ELAVL2: variants seen among roughly 807,000 people sequenced by gnomAD.
ELAVL2 encodes the protein ELAV-like protein 2.
ELAVL2 carries 4 observed loss-of-function variants against 34.6 expected under a neutral mutation model. That is an observed-to-expected ratio of 0.12 (90% confidence interval 0.06 to 0.26). The LOEUF (loss-of-function observed/expected upper bound fraction) is 0.26, where lower values mean the gene tolerates loss of function less well. Among genes scored for constraint, ELAVL2 ranks in the 10% least tolerant of loss-of-function variants. ELAVL2 has a pLI of 1.00. For synonymous variants in ELAVL2, 193 were observed against 154.8 expected, an observed-to-expected ratio of 1.25 and a Z score of -1.83; for missense variants, 432 against 442.8, an observed-to-expected ratio of 0.98 and a Z score of 0.22.
At chr9:23,719,989 C>A (rs1292673124) in intron 3 of ELAVL2, among the ~76,000 whole-genome samples, 4 of 151,800 alleles carry the variant, frequency 2.6e-5, no homozygotes, top group Admixed American at 2.0e-4. Context: ...CCAAACCCAG[C>A]TAATTTTTTG....
intron 3 of ELAVL2, among the ~76,000 whole-genome samples, chr9:23,713,562 C>T (rs563303961): frequency 3.0e-4 from 46 of 152,162 alleles, no homozygotes; most frequent in South Asian, 1.7e-3. Flanking sequence ...CTATTCCTAC[C>T]GGTAGCTCTC....
At chr9:23,836,047 A>C in the ELAVL2 span, among the ~76,000 whole-genome samples, 1 of 152,194 alleles carries the variant, frequency 6.6e-6, no homozygotes, top group African/African-American at 2.4e-5. Context: ...GCTGCTGTTT[A>C]TTGCCATTTC....
At chr9:23,696,636 A>AT (rs59260989) in intron 5 of ELAVL2, among the ~76,000 whole-genome samples, 14,595 of 151,490 alleles carry the variant, frequency 0.096, 773 homozygotes, top group African/African-American at 0.12. Flanking sequence ...CGTCCGGCTA[A>AT]TTTTTTTTGT....
At chr9:23,791,383 T>C (rs189516074) in intron 1 of ELAVL2, among the ~76,000 whole-genome samples, 2 of 152,290 alleles carry the variant, frequency 1.3e-5, no homozygotes, top group South Asian at 2.1e-4. Flanking sequence ...TTAAATACCC[T>C]TACCCCTGTT....
intron 2 of ELAVL2, among the ~76,000 whole-genome samples, chr9:23,739,520 T>C (rs1415747423): frequency 6.6e-6 from 1 of 152,092 alleles, no homozygotes. Flanking sequence ...TATAATTAAT[T>C]CTACACAGAT....
At chr9:23,696,835 C>T (rs1409687636) in intron 5 of ELAVL2, among the ~76,000 whole-genome samples, 1 of 151,516 alleles carries the variant, frequency 6.6e-6, no homozygotes, top group Non-Finnish European at 1.5e-5. Context: ...CTAGCTGCCT[C>T]CAGAATATCT....
intron 2 of ELAVL2, among the ~76,000 whole-genome samples, chr9:23,757,390 G>C (rs1244997486): frequency 6.6e-6 from 1 of 151,976 alleles, no homozygotes; most frequent in Non-Finnish European, 1.5e-5. Context: ...CAGAATTCTG[G>C]TCCCTACTCT....
intron 2 of ELAVL2, among the ~76,000 whole-genome samples, chr9:23,742,837 G>A (rs1342885139): frequency 1.3e-5 from 2 of 152,110 alleles, no homozygotes; most frequent in South Asian, 2.1e-4. Flanking sequence ...TTAATCAAGA[G>A]GGTAGGAGGA....
intron 1 of ELAVL2, among the ~76,000 whole-genome samples, chr9:23,824,698 C>T (rs983233770): frequency 1.3e-5 from 2 of 152,226 alleles, no homozygotes; most frequent in Non-Finnish European, 2.9e-5. Context: ...CCTGGATCCT[C>T]TCTTTGGCAG....
intron 1 of ELAVL2, among the ~76,000 whole-genome samples, chr9:23,777,204 G>C (rs1234184024): frequency 6.6e-6 from 1 of 152,232 alleles, no homozygotes; most frequent in South Asian, 2.1e-4. Context: ...CTTTCAGATC[G>C]AGCTAAAAAG....
chr9:23,707,567 T>C (rs2039726610), intron 3 of ELAVL2, among the ~76,000 whole-genome samples: 1 of 152,192 alleles, frequency 6.6e-6, no homozygotes, highest in Non-Finnish European at 1.5e-5. Context: ...TGACAGGCTC[T>C]GCATGAGATC....
intron 1 of ELAVL2, among the ~76,000 whole-genome samples, chr9:23,797,396 A>T (rs2061062143): frequency 6.6e-6 from 1 of 152,310 alleles, no homozygotes; most frequent in East Asian, 1.9e-4. Context: ...ACACAAACTA[A>T]ATGAAGAAAT....
At chr9:23,726,585 T>C (rs772764045) in intron 3 of ELAVL2, among the ~76,000 whole-genome samples, 5 of 151,910 alleles carry the variant, frequency 3.3e-5, no homozygotes, top group African/African-American at 4.8e-5. Context: ...CTAGGCCCAT[T>C]GTAGAGGAGG....
chr9:23,789,553 T>C (rs2060097395), intron 1 of ELAVL2, among the ~76,000 whole-genome samples: 1 of 152,226 alleles, frequency 6.6e-6, no homozygotes, highest in African/African-American at 2.4e-5. Flanking sequence ...TGCTGAATGA[T>C]AAAGCTTGGT....
chr9:23,774,412 T>C (rs369286358), intron 1 of ELAVL2, among the ~76,000 whole-genome samples: 2 of 152,018 alleles, frequency 1.3e-5, no homozygotes, highest in East Asian at 3.9e-4. Context: ...TTCCTAATCA[T>C]GACTGTTAAT....
At chr9:23,708,357 T>C (rs1365167560) in intron 3 of ELAVL2, among the ~76,000 whole-genome samples, 2 of 152,216 alleles carry the variant, frequency 1.3e-5, no homozygotes, top group Non-Finnish European at 2.9e-5. Context: ...GCATACATAT[T>C]AGTATTTTAT....
chr9:23,822,104 A>C (rs1487777649), intron 1 of ELAVL2, among the ~76,000 whole-genome samples: 1 of 152,018 alleles, frequency 6.6e-6, no homozygotes, highest in Non-Finnish European at 1.5e-5. Flanking sequence ...TTCCAGGTGC[A>C]AGTTTGCAAA....
At chr9:23,715,703 C>A (rs942162020) in intron 3 of ELAVL2, among the ~76,000 whole-genome samples, 1 of 152,090 alleles carries the variant, frequency 6.6e-6, no homozygotes, top group African/African-American at 2.4e-5. Context: ...AACTTTATCT[C>A]CAAAAATGTA....
At chr9:23,841,007 C>A in the ELAVL2 span, among the ~76,000 whole-genome samples, 1 of 152,168 alleles carries the variant, frequency 6.6e-6, no homozygotes, top group Non-Finnish European at 1.5e-5. Context: ...GAAACACGTG[C>A]ATTTTCCCTG....
Sources: allele counts gnomAD v4.1 joint callset (sites outside exome capture counted in the v4.1 genomes callset), GRCh38; gene constraint gnomAD v4.1.1; transcripts MANE v1.5; gene names NCBI Gene and HGNC (gene_info 2026-07-23, HGNC 2026-07-21).